EXD3: variants seen among roughly 807,000 people sequenced by gnomAD.
EXD3 encodes exonuclease mut-7 homolog.
EXD3 carries 92 observed loss-of-function variants against 98.0 expected under a neutral mutation model. That is an observed-to-expected ratio of 0.94 (90% CI 0.79 to 1.12). The LOEUF (loss-of-function observed/expected upper bound fraction) is 1.12, where lower values mean the gene tolerates loss of function less well. Among genes scored for constraint, EXD3 ranks in the 50% most tolerant of loss-of-function variants. The pLI is 0.00. For missense variants in EXD3, 1,222 were observed against 1,191.6 expected (o/e 1.03, Z -0.38); for synonymous variants, 569 against 526.0 (o/e 1.08, Z -1.12).
chr9:137,367,508 C>T (rs535026072), intron 6 of EXD3: 1 of 164,898 alleles, frequency 6.1e-6, no homozygotes, highest in South Asian at 1.6e-4. Flanking sequence ...TCCCTGCAGA[C>T]ACTGTGGGTT....
At chr9:137,396,692 C>G (rs1051699779) in intron 1 of EXD3, among the ~76,000 whole-genome samples, 5 of 152,256 alleles carry the variant, frequency 3.3e-5, no homozygotes, top group African/African-American at 1.2e-4. Context: ...TCTGTGGACT[C>G]AGGACGGACA....
At chr9:137,412,008 C>T (rs1838026500) in intron 1 of EXD3, among the ~76,000 whole-genome samples, 1 of 152,164 alleles carries the variant, frequency 6.6e-6, no homozygotes, top group African/African-American at 2.4e-5. Context: ...TGTGTGCCCC[C>T]CAGGTCTCCC....
chr9:137,315,989 G>A (rs1424764752), intron 19 of EXD3, among the ~76,000 whole-genome samples: 1 of 98,660 alleles, frequency 1.0e-5, no homozygotes, highest in Non-Finnish European at 2.1e-5. Context: ...GCCCCCTCCC[G>A]TCTCTGAGCC....
At chr9:137,418,409 A>G (rs1303660731) in intron 1 of EXD3, among the ~76,000 whole-genome samples, 5 of 152,238 alleles carry the variant, frequency 3.3e-5, no homozygotes, top group Non-Finnish European at 1.5e-5. Context: ...ACACTGAAAC[A>G]TTAATTACTA....
intron 1 of EXD3, among the ~76,000 whole-genome samples, chr9:137,413,975 G>GGC (rs1588442871): frequency 6.7e-6 from 1 of 148,210 alleles, no homozygotes; most frequent in East Asian, 2.0e-4. Flanking sequence ...GGAGTGCAGT[G>GGC]GTGCCATCTC....
In EXD3 at chr9:137,383,360, G is replaced by A. The variant is rs748888267; in HGVS notation, c.73C>T (p.Leu25Phe). 3.9e-6 allele frequency: 6 copies of A among 1,550,506 alleles called. No homozygotes were observed. In the East Asian group the frequency reaches 7.3e-5, roughly 19 times the overall value. Reference sequence around the variant, plus strand: ...CACAGGGTCTGCAGGGCCTGCAGGAGCAGGAGGGGGTCCCGGCCTGTGGAG... The same window carrying A: ...CACAGGGTCTGCAGGGCCTGCAGGAACAGGAGGGGGTCCCGGCCTGTGGAG... ...RHRMGRDPLL[L>F]LQALQTLWST... The change falls in exon 3 of 22, where the codon CTC becomes TTC. Residue 25 changes from leucine to phenylalanine, a missense_variant. By Grantham distance (22) the Leu-to-Phe change is conservative (BLOSUM62 0). Coordinates refer to ENST00000340951, the MANE Select transcript of EXD3 (RefSeq NM_017820.5).
chr9:137,318,322 C>G (rs890401387), intron 19 of EXD3, among the ~76,000 whole-genome samples: 3 of 152,136 alleles, frequency 2.0e-5, no homozygotes, highest in African/African-American at 7.2e-5. Flanking sequence ...CGGCTGCCGG[C>G]ACCCCCCCTC....
At chr9:137,334,347 A>G (rs1833248892) in intron 17 of EXD3, among the ~76,000 whole-genome samples, 1 of 152,252 alleles carries the variant, frequency 6.6e-6, no homozygotes, top group South Asian at 2.1e-4. Context: ...AATACAGTAT[A>G]GTTACCAAAA....
At chr9:137,404,687 C>T (rs1837635020) in intron 1 of EXD3, among the ~76,000 whole-genome samples, 1 of 152,160 alleles carries the variant, frequency 6.6e-6, no homozygotes. Context: ...ATGGAGAAAC[C>T]CCATTTCTAC....
At chr9:137,334,225 C>T (rs117910012) in intron 17 of EXD3, among the ~76,000 whole-genome samples, 2,379 of 152,276 alleles carry the variant, frequency 0.016, 33 homozygotes, top group Admixed American at 0.04. Context: ...TGGTCTCGAA[C>T]GCCCGACCTC....
rs1247457909 is a variant in EXD3 at position 137,423,131 on chromosome 9, C to A, written c.-65G>T. On this transcript the variant is annotated 5_prime_UTR_variant, in exon 1 of 22. Transcript: ENST00000340951. ...TCGCTCACCTGCGGGGCCGGGACCG[C>A]CCCACACCGTCCACGCCCGGCGCGG... 6.6e-6 allele frequency: 1 copy of A among 151,580 alleles called. No individual in the cohort carries two copies. The highest frequency in any genetic ancestry group is 1.9e-4 in the East Asian group (1 of 5,162). The allele number at this position is 151,580 out of a possible 1,614,324, so 9.4% of individuals were successfully genotyped here. A position where few individuals can be genotyped will look rare whatever the true frequency, so the allele number is the denominator to read the frequency against.
rs896331266 is a variant in EXD3, at chr9:137,310,380, C to A, written c.2185-680G>T. 4.6e-5 allele frequency among the ~76,000 whole-genome samples: 7 copies of A among 152,186 alleles called. No individual in the cohort carries two copies. The East Asian group carries it at 1.4e-3, about 29-fold the overall frequency. On this transcript the variant is annotated intron_variant, in intron 19 of 21. Coordinates refer to ENST00000340951, the MANE Select transcript of EXD3 (RefSeq NM_017820.5). ...CACATCAGCCTCCTGAGTAGTACAC[C>A]ACCACACTCAGCTAATTTTTGTATT...
chr9:137,318,834 C>T (rs1042764677), intron 19 of EXD3, among the ~76,000 whole-genome samples: 2 of 152,184 alleles, frequency 1.3e-5, no homozygotes, highest in African/African-American at 4.8e-5. Context: ...GTGGTGGGGC[C>T]GGCGGTGGCC....
chr9:137,348,442 TG>T (rs1365491088), intron 16 of EXD3, among the ~76,000 whole-genome samples: 6 of 104,006 alleles, frequency 5.8e-5, no homozygotes, highest in South Asian at 3.3e-4. Context: ...GTGCTCATGC[TG>T]GGGGGGCTCC....
At chr9:137,374,524 C>T (rs28488438) in intron 3 of EXD3, 39,031 of 982,686 alleles carry the variant, frequency 0.04, 957 homozygotes, top group Middle Eastern at 0.096. Context: ...CTTGCTCCGG[C>T]GATTTGAAAG....
intron 17 of EXD3, among the ~76,000 whole-genome samples, chr9:137,346,771 T>C (rs1023331480): frequency 6.6e-6 from 1 of 152,116 alleles, no homozygotes; most frequent in African/African-American, 2.4e-5. Flanking sequence ...TGTTTAGCTG[T>C]GTGTTACACC....
rs925127790 is a variant in EXD3, at chr9:137,387,542, A to G, written c.56-4165T>C. 4.4e-4 allele frequency among the ~76,000 whole-genome samples: 67 copies of G among 152,124 alleles called. 1 individual carries two copies. The highest frequency in any genetic ancestry group is 4.1e-3 in the Admixed American group (63 of 15,304). On this transcript the variant is annotated intron_variant, in intron 2 of 21. Transcript: ENST00000340951. ...GATGTCCAGGGGCGGCTTCTGTCTG[A>G]ACGAAGAAGACAAGCGAGCTCTGTG...
At chr9:137,358,687 A>T (rs1476468195) in intron 7 of EXD3, among the ~76,000 whole-genome samples, 1 of 152,142 alleles carries the variant, frequency 6.6e-6, no homozygotes, top group Non-Finnish European at 1.5e-5. Flanking sequence ...AAACTTTTTT[A>T]AAATTAAATG....
At chr9:137,375,626 C>T (rs1378718222) in intron 3 of EXD3, among the ~76,000 whole-genome samples, 12 of 144,248 alleles carry the variant, frequency 8.3e-5, no homozygotes, top group African/African-American at 3.0e-4. Context: ...GAGTCCTAGC[C>T]CTAGTGAGTT....
Sources: gnomAD v4.1 joint callset for allele counts (sites outside exome capture counted in the v4.1 genomes callset) on GRCh38, gnomAD v4.1.1 for gene constraint, MANE v1.5 for transcripts, NCBI Gene and HGNC (gene_info 2026-07-23, HGNC 2026-07-21) for gene names.